The following ILRUN variants were observed in gnomAD, a reference collection of about 807,000 sequenced individuals.
ILRUN encodes the protein inflammation and lipid regulator with UBA-like and NBR1-like domains.
In ILRUN, 3 loss-of-function variants were observed where a neutral mutation model predicts 33.8. The ratio of observed to expected loss-of-function variants is 0.09; its 90% CI spans 0.04 to 0.23. The LOEUF is 0.23. ILRUN is among the 10% of genes least tolerant of loss of function. The pLI is 1.00. For synonymous variants in ILRUN, 124 were observed against 138.9 expected (o/e 0.89, Z 0.75); for missense variants, 210 against 375.1 (o/e 0.56, Z 3.64).
At chr6:34,644,834 A>G (rs1273502598) in intron 3 of ILRUN, among the ~76,000 whole-genome samples, 1 of 152,110 alleles carries the variant, frequency 6.6e-6, no homozygotes, top group Non-Finnish European at 1.5e-5. Context: ...GTTTGGTGAA[A>G]TAAAAGGATA....
chr6:34,692,124 C>T (rs547947631), intron 1 of ILRUN, among the ~76,000 whole-genome samples: 1 of 152,130 alleles, frequency 6.6e-6, no homozygotes, highest in African/African-American at 2.4e-5. Flanking sequence ...CCACCAAGCC[C>T]AGCTAATTTT....
In ILRUN at chr6:34,649,512, T is replaced by G. The variant is rs559582934; in HGVS notation, c.314-2714A>C. On this transcript the variant is annotated intron_variant, in intron 2 of 4. Transcript: ENST00000374023. ...AATTAAGGCTGTAATTCTCCAGATA[T>G]GAAATATCACTTTATTTTTTAAAAT... is the stretch of plus-strand genomic sequence containing the variant. Among the ~76,000 whole-genome samples the G allele has an allele frequency of 5.3e-5, 8 of 152,102 alleles. 1 individual carries two copies. The highest frequency in any genetic ancestry group is 1.9e-4 in the African/African-American group (8 of 41,408).
chr6:34,646,471 T>C lies in ILRUN; in HGVS notation c.511+130A>G. 1.3e-6 allele frequency: 1 copy of C among 744,568 alleles called. No homozygotes were observed. The highest frequency in any genetic ancestry group is 2.2e-6 in the Non-Finnish European group (1 of 457,728). 46.1% of individuals were successfully genotyped at this position (744,568 alleles called of 1,614,324 possible). A position where few individuals can be genotyped will look rare whatever the true frequency, so the allele number is the denominator to read the frequency against. ...AGTCATAAAATGCAAATCATTTACC[T>C]GCATGAGGTGACTGTTAAAAAGAGG... On this transcript the variant is annotated intron_variant, in intron 3 of 4. Transcript: ENST00000374023. The surrounding 1 kb of genome is among the most constrained non-coding windows in gnomAD (Gnocchi z 4.9).
intron 1 of ILRUN, among the ~76,000 whole-genome samples, chr6:34,662,588 A>AT (rs1413736419): frequency 6.6e-6 from 1 of 152,244 alleles, no homozygotes; most frequent in African/African-American, 2.4e-5. Flanking sequence ...CTGAAAACAC[A>AT]TAACATTACG....
At chr6:34,680,074 T>C (rs1763328148) in intron 1 of ILRUN, among the ~76,000 whole-genome samples, 1 of 152,264 alleles carries the variant, frequency 6.6e-6, no homozygotes, top group African/African-American at 2.4e-5. Flanking sequence ...ACTAGGAAAC[T>C]TATACAATGT....
chr6:34,632,088 A>G (rs1168535434), intron 3 of ILRUN, among the ~76,000 whole-genome samples: 1 of 152,214 alleles, frequency 6.6e-6, no homozygotes, highest in Non-Finnish European at 1.5e-5. Context: ...TTTAAACAAC[A>G]AAAAAGTTTT....
intron 3 of ILRUN, among the ~76,000 whole-genome samples, chr6:34,637,784 C>T (rs1192431751): frequency 2.0e-5 from 3 of 152,158 alleles, no homozygotes; most frequent in Non-Finnish European, 4.4e-5. Flanking sequence ...TCAAGACCCA[C>T]ATATATGCAT....
intron 3 of ILRUN, among the ~76,000 whole-genome samples, chr6:34,623,024 T>C (rs1017544423): frequency 3.9e-5 from 6 of 152,220 alleles, no homozygotes; most frequent in Non-Finnish European, 8.8e-5. Context: ...ATTCCACGTA[T>C]GTGAGGTACC....
chr6:34,678,497 T>C (rs1455763547), intron 1 of ILRUN, among the ~76,000 whole-genome samples: 1 of 152,098 alleles, frequency 6.6e-6, no homozygotes, highest in Non-Finnish European at 1.5e-5. Flanking sequence ...AGGGCTTCAT[T>C]CTGAATTTGT....
intron 3 of ILRUN, among the ~76,000 whole-genome samples, chr6:34,639,463 C>T (rs1241137529): frequency 6.6e-6 from 1 of 152,168 alleles, no homozygotes; most frequent in Non-Finnish European, 1.5e-5. Context: ...GGAGATGAAG[C>T]ATATTACTAC....
chr6:34,696,273 C>G lies in ILRUN; in HGVS notation c.158+173G>C. On this transcript the variant is annotated intron_variant, in intron 1 of 4. Transcript: ENST00000374023. ...CTAACTCTCCTTTAGCCCTGCTCAGCCCCCAAATACTCCCTATGCCCACGG... is the reference window on the plus strand; with the variant it reads ...CTAACTCTCCTTTAGCCCTGCTCAGGCCCCAAATACTCCCTATGCCCACGG... 3 of 658,838 alleles carry G rather than the reference C, an allele frequency of 4.6e-6. No individual in the cohort carries two copies. The South Asian group carries it at 5.9e-5, about 13-fold the overall frequency. The allele number at this position is 658,838 out of a possible 1,614,324, so 40.8% of individuals were successfully genotyped here. A position where few individuals can be genotyped will look rare whatever the true frequency, so the allele number is the denominator to read the frequency against.
chr6:34,649,698 A>C (rs1762624183), intron 2 of ILRUN, among the ~76,000 whole-genome samples: 1 of 152,242 alleles, frequency 6.6e-6, no homozygotes. Flanking sequence ...ATAGCAATAC[A>C]GAAGACAAAC....
intron 2 of ILRUN, among the ~76,000 whole-genome samples, chr6:34,648,781 C>CACATAT (rs1052619399): frequency 6.6e-6 from 1 of 152,178 alleles, no homozygotes; most frequent in Non-Finnish European, 1.5e-5. Context: ...CACATACACA[C>CACATAT]ACATATACAT....
chr6:34,696,293 C>A, intron 1 of ILRUN, 153 bp downstream of exon 1: 1 of 779,392 alleles, frequency 1.3e-6, no homozygotes, highest in Non-Finnish European at 2.0e-6. Context: ...CTCCCTATGC[C>A]CACGGGGCTC....
chr6:34,623,724 T>C (rs756426527), intron 3 of ILRUN, among the ~76,000 whole-genome samples: 2 of 152,234 alleles, frequency 1.3e-5, no homozygotes, highest in Non-Finnish European at 2.9e-5. Context: ...GGCATTAATG[T>C]TGAAAAGCAC....
rs1761211905 is a variant in ILRUN, at chr6:34,587,315, C to G, written c.*3250G>C. On this transcript the variant is annotated 3_prime_UTR_variant, in exon 5 of 5. Transcript: ENST00000374023. ...TTTTTGGTGTGTGTGTTAATTTAATCATACAAATATTCATTTATACAATAA... is the reference window on the plus strand; with the variant it reads ...TTTTTGGTGTGTGTGTTAATTTAATGATACAAATATTCATTTATACAATAA... 6.5e-6 allele frequency: 1 copy of G among 152,728 alleles called. No individual in the cohort carries two copies. Among genetic ancestry groups the G allele is most frequent in the East Asian group, 1.9e-4 (1 of 5,186 alleles). The allele number at this position is 152,728 out of a possible 1,614,324, so 9.5% of individuals were successfully genotyped here.
chr6:34,608,903 C>G (rs1280542486), intron 3 of ILRUN, among the ~76,000 whole-genome samples: 1 of 152,210 alleles, frequency 6.6e-6, no homozygotes, highest in Non-Finnish European at 1.5e-5. Context: ...CTCCAGAGAA[C>G]AGTGACACGT....
chr6:34,603,923 A>T, intron 4 of ILRUN, among the ~76,000 whole-genome samples: 1 of 152,214 alleles, frequency 6.6e-6, no homozygotes, highest in East Asian at 1.9e-4. Flanking sequence ...CCTAAGAGCT[A>T]GAGTGGAGCT....
At position 34,683,419 on chromosome 6, in the gene ILRUN, CATATATATACATATATATATACAT is replaced by C. The variant is rs1215838890; in HGVS notation, c.158+13003_158+13026del. On this transcript the variant is annotated intron_variant, in intron 1 of 4. Transcript: ENST00000374023. ...ATGCACATATATACATATATATATACATATATATACATATATATATACATATATATATACATATATATACATATA... is the reference window on the plus strand; with the variant it reads ...ATGCACATATATACATATATATATACATATATATACATATATATACATATA... 6.4e-5 allele frequency among the ~76,000 whole-genome samples: 5 copies of C among 78,576 alleles called. No homozygotes were observed. In the East Asian group the frequency reaches 1.2e-3, roughly 20 times the overall value. The allele number at this position is 78,576 out of a possible 152,430, so 51.5% of individuals were successfully genotyped here. A position where few individuals can be genotyped will look rare whatever the true frequency, so the allele number is the denominator to read the frequency against.
Sources: gnomAD v4.1 joint callset for allele counts (sites outside exome capture counted in the v4.1 genomes callset) on GRCh38, gnomAD v4.1.1 for gene constraint, Gnocchi (gnomAD v3.1) non-coding constraint, MANE v1.5 for transcripts, NCBI Gene and HGNC (gene_info 2026-07-23, HGNC 2026-07-21) for gene names.